Variants in GBP6 observed in about 807,000 individuals in gnomAD.
The protein encoded by GBP6 is guanylate binding protein family member 6.
Under a neutral mutation model 61.5 loss-of-function variants are expected in GBP6, and 54 were observed. The observed-to-expected ratio is 0.88, with a 90% CI of 0.71 to 1.10. The LOEUF is 1.10. Ranked by LOEUF, GBP6 falls within the 50% of genes least tolerant of loss-of-function variation. GBP6 has a pLI of 0.00. For synonymous variants in GBP6, 255 were observed against 273.7 expected (o/e 0.93, Z 0.67); for missense variants, 748 against 752.8 (o/e 0.99, Z 0.07).
intron 1 of GBP6, among the ~76,000 whole-genome samples, chr1:89,367,269 G>A (rs1652490714): frequency 6.6e-6 from 1 of 152,134 alleles, no homozygotes; most frequent in Non-Finnish European, 1.5e-5. Flanking sequence ...TGCATTCCAT[G>A]AACAGTGCAC....
intron 3 of GBP6, among the ~76,000 whole-genome samples, 182 bp downstream of exon 3, chr1:89,369,855 T>C (rs1330113312): frequency 6.6e-6 from 1 of 152,236 alleles, no homozygotes; most frequent in Non-Finnish European, 1.5e-5. Flanking sequence ...AAACATTCTT[T>C]TATTTCTTGG....
At chr1:89,379,048 A>C (rs1398754604) in intron 5 of GBP6, among the ~76,000 whole-genome samples, 1 of 152,220 alleles carries the variant, frequency 6.6e-6, no homozygotes, top group Non-Finnish European at 1.5e-5. Context: ...GGAATGCCTG[A>C]GCCTGGGTAA....
intron 7 of GBP6, 67 bp downstream of exon 7, chr1:89,382,041 T>C (rs977748355): frequency 7.8e-5 from 113 of 1,446,920 alleles, no homozygotes; most frequent in Non-Finnish European, 1.0e-4. Flanking sequence ...TAGTTGCCTT[T>C]ATTGTCACCA....
chr1:89,364,715 T>C (rs1432285223), intron 1 of GBP6, among the ~76,000 whole-genome samples: 4 of 151,100 alleles, frequency 2.6e-5, no homozygotes, highest in Non-Finnish European at 1.5e-5. Context: ...CAGAGTCTCT[T>C]GTAGCTCTTG....
intron 3 of GBP6, among the ~76,000 whole-genome samples, chr1:89,371,842 G>A (rs1410981283): frequency 6.6e-6 from 1 of 152,064 alleles, no homozygotes; most frequent in Admixed American, 6.6e-5. Context: ...AGAAATAAAG[G>A]GTATTCAATT....
intron 1 of GBP6, among the ~76,000 whole-genome samples, chr1:89,365,905 G>A (rs1652455079): frequency 6.6e-6 from 1 of 152,102 alleles, no homozygotes; most frequent in Non-Finnish European, 1.5e-5. Flanking sequence ...TCTAAACTGA[G>A]TATTTGAGGC....
intron 1 of GBP6, among the ~76,000 whole-genome samples, chr1:89,366,309 A>T (rs1391954421): frequency 1.3e-5 from 2 of 152,102 alleles, no homozygotes; most frequent in African/African-American, 4.8e-5. Flanking sequence ...AGAGAACCTG[A>T]CCCTTCTAGG....
At chr1:89,368,221 G>A (rs1225203639) in intron 1 of GBP6, among the ~76,000 whole-genome samples, 1 of 152,172 alleles carries the variant, frequency 6.6e-6, no homozygotes, top group Non-Finnish European at 1.5e-5. Flanking sequence ...TTTTGTGTCA[G>A]TGGGGTTGGA....
At chr1:89,370,294 C>T (rs1478832750) in intron 3 of GBP6, among the ~76,000 whole-genome samples, 1 of 152,186 alleles carries the variant, frequency 6.6e-6, no homozygotes, top group Non-Finnish European at 1.5e-5. Flanking sequence ...GAGGTATTGA[C>T]TCCAATCTCA....
intron 3 of GBP6, 68 bp downstream of exon 3, chr1:89,369,741 A>C: frequency 6.6e-7 from 1 of 1,526,348 alleles, no homozygotes; most frequent in Non-Finnish European, 8.8e-7. Flanking sequence ...AACTGTTGTG[A>C]TCTATTTGTG....
chr1:89,383,974 TG>T, intron 9 of GBP6, 118 bp from the exon 10 acceptor site: 1 of 1,066,974 alleles, frequency 9.4e-7, no homozygotes, highest in Non-Finnish European at 1.3e-6. Context: ...GGTGTGGACC[TG>T]GGTGAATTCT....
chr1:89,381,741 G>C lies in GBP6; in HGVS notation c.919G>C (p.Ala307Pro), dbSNP rs1652984366. Residue 307 changes from alanine (A) to proline (P), a missense_variant, in exon 7 of 11, where the codon GCA becomes CCA. By Grantham distance (27) the Ala-to-Pro change is conservative. Coordinates refer to ENST00000370456, the MANE Select transcript of GBP6 (RefSeq NM_198460.3). ...TTATGTAGAGGCCATCAACAGTGGAGCAGTGCCTTGTCTGGAGAATGCAGT... is the reference window on the plus strand; with the variant it reads ...TTATGTAGAGGCCATCAACAGTGGACCAGTGCCTTGTCTGGAGAATGCAGT... ...VTYVEAINSG[A>P]VPCLENAVIT... 4 of 1,614,070 alleles carry C rather than the reference G, an allele frequency of 2.5e-6. No individual in the cohort carries two copies. Among genetic ancestry groups the C allele is most frequent in the Non-Finnish European group, 3.4e-6 (4 of 1,180,014 alleles).
At chr1:89,370,158 T>C (rs1406312895) in intron 3 of GBP6, among the ~76,000 whole-genome samples, 1 of 152,324 alleles carries the variant, frequency 6.6e-6, no homozygotes, top group East Asian at 1.9e-4. Flanking sequence ...CTGGTGCTGG[T>C]CAATCACTGG....
Position 89,382,797 on chromosome 1 carries a change from C to A in GBP6, c.1286C>A (p.Pro429His), listed in dbSNP as rs1176379215. 1 of 1,613,962 alleles carries A rather than the reference C, an allele frequency of 6.2e-7. No individual in the cohort carries two copies. Among genetic ancestry groups the A allele is most frequent in the Non-Finnish European group, 8.5e-7 (1 of 1,179,976 alleles). ...ESISAGSFSV[P>H]GGHKLYMETK... ...ATCTCAGCAGGAAGTTTCTCTGTTCCTGGAGGGCACAAGCTCTACATGGAA... is the reference window on the plus strand; with the variant it reads ...ATCTCAGCAGGAAGTTTCTCTGTTCATGGAGGGCACAAGCTCTACATGGAA... Residue 429 changes from proline to histidine, a missense_variant, in exon 8 of 11, where the codon CCT becomes CAT. Physicochemically the swap from Pro to His is moderately conservative, Grantham distance 77. Coordinates refer to ENST00000370456, the MANE Select transcript of GBP6 (RefSeq NM_198460.3).
intron 1 of GBP6, among the ~76,000 whole-genome samples, chr1:89,366,346 T>A (rs1652467269): frequency 1.3e-5 from 2 of 152,330 alleles, no homozygotes. Flanking sequence ...GTACTTGAAT[T>A]CTTTAGATTC....
At chr1:89,369,698 T>C (rs1343216573) in intron 3 of GBP6, 25 bp downstream of exon 3, 1 of 1,602,486 alleles carries the variant, frequency 6.2e-7, no homozygotes, top group Non-Finnish European at 8.5e-7. Flanking sequence ...CATAGACAGG[T>C]TCCTTTTATT....
chr1:89,371,139 C>A (rs1163409535), intron 3 of GBP6, among the ~76,000 whole-genome samples: 1 of 152,148 alleles, frequency 6.6e-6, no homozygotes, highest in Non-Finnish European at 1.5e-5. Flanking sequence ...ATAACGACCT[C>A]AGTGTTCATC....
intron 10 of GBP6, among the ~76,000 whole-genome samples, 188 bp from the exon 11 acceptor site, chr1:89,385,042 G>A (rs969722806): frequency 3.3e-5 from 5 of 152,176 alleles, no homozygotes; most frequent in East Asian, 1.9e-4. Context: ...AACCATAATG[G>A]TGGGTGGATA....
At position 89,369,526 on chromosome 1, in the gene GBP6, C is replaced by T; in HGVS notation, c.191-20C>T. 1 of 1,609,982 alleles carries T rather than the reference C, an allele frequency of 6.2e-7. No homozygotes were observed. Among genetic ancestry groups the T allele is most frequent in the Non-Finnish European group, 8.5e-7 (1 of 1,177,742 alleles). On this transcript the variant is annotated intron_variant, in intron 2 of 10. Transcript: ENST00000370456. ...GCTGCTCTGCTGTCCCTGTGCTTAGCTTCCTCCTCTTCCCTGCAGGCTTCC... is the reference window on the plus strand; with the variant it reads ...GCTGCTCTGCTGTCCCTGTGCTTAGTTTCCTCCTCTTCCCTGCAGGCTTCC...
Sources: allele counts gnomAD v4.1 joint callset (sites outside exome capture counted in the v4.1 genomes callset), GRCh38; gene constraint gnomAD v4.1.1; transcripts MANE v1.5; gene names NCBI Gene and HGNC (gene_info 2026-07-23, HGNC 2026-07-21).